The following NDC80 variants were observed in gnomAD, a reference collection of about 807,000 sequenced individuals.
NDC80 encodes kinetochore protein NDC80 homolog.
NDC80 carries 69 observed loss-of-function variants against 89.3 expected under a neutral mutation model. The observed-to-expected ratio is 0.77, with a 90% CI of 0.64 to 0.94. The LOEUF is 0.94. NDC80 is among the 40% of genes least tolerant of loss of function. The pLI is 0.00. For synonymous variants in NDC80, 243 were observed against 255.6 expected (o/e 0.95, Z 0.47); for missense variants, 593 against 739.6 (o/e 0.80, Z 2.30).
chr18:2,600,458 A>G (rs978072383), intron 12 of NDC80, among the ~76,000 whole-genome samples: 1 of 151,972 alleles, frequency 6.6e-6, no homozygotes, highest in Non-Finnish European at 1.5e-5. Context: ...AAAATACAAA[A>G]ACTAGCCGGG....
intron 16 of NDC80, among the ~76,000 whole-genome samples, chr18:2,616,127 G>A (rs1270566097): frequency 1.3e-5 from 2 of 152,028 alleles, no homozygotes; most frequent in Non-Finnish European, 2.9e-5. Context: ...CCAGCCTCAG[G>A]TGATCTCCTG....
At chr18:2,606,339 T>C in intron 13 of NDC80, 76 bp from the exon 14 acceptor site, 2 of 923,462 alleles carry the variant, frequency 2.2e-6, no homozygotes, top group Non-Finnish European at 3.2e-6. Context: ...TGATTGATAA[T>C]ATAAAAACTC....
chr18:2,588,667 G>C (rs1156568333), intron 8 of NDC80, among the ~76,000 whole-genome samples: 2 of 152,134 alleles, frequency 1.3e-5, no homozygotes, highest in Non-Finnish European at 2.9e-5. Flanking sequence ...GTATCTTCCT[G>C]AAGAGTAACC....
At chr18:2,615,762 C>T (rs7350997) in intron 16 of NDC80, among the ~76,000 whole-genome samples, 59,381 of 152,054 alleles carry the variant, frequency 0.39, 12,852 homozygotes, top group East Asian at 0.68. Context: ...TAAACTGCAG[C>T]CATATGTAGT....
chr18:2,575,846 AC>A (rs2072543824), intron 3 of NDC80, among the ~76,000 whole-genome samples: 1 of 152,180 alleles, frequency 6.6e-6, no homozygotes, highest in Non-Finnish European at 1.5e-5. Flanking sequence ...GATCAGTTGA[AC>A]CCAGGAGGTG....
Position 2,588,619 on chromosome 18 carries a change from C to G in NDC80, c.764-585C>G, listed in dbSNP as rs546498029. ...ATCAATCACTTTGCCAGTATTATCA[C>G]AAAAGCTGAAAGCATTCCCTTATAG... On this transcript the variant is annotated intron_variant, in intron 8 of 16. Transcript: ENST00000261597. Among the ~76,000 whole-genome samples the G allele has an allele frequency of 3.9e-5, 6 of 152,296 alleles. No homozygotes were observed. In the South Asian group the frequency reaches 1.0e-3, roughly 26 times the overall value.
intron 14 of NDC80, among the ~76,000 whole-genome samples, chr18:2,607,964 AGTAT>A (rs2072721764): frequency 5.1e-5 from 2 of 39,570 alleles, no homozygotes; most frequent in African/African-American, 2.4e-4. Flanking sequence ...ATATATACAT[AGTAT>A]ATATATATAT....
intron 10 of NDC80, among the ~76,000 whole-genome samples, chr18:2,591,509 T>C (rs1030169614): frequency 1.3e-5 from 2 of 152,150 alleles, no homozygotes; most frequent in Non-Finnish European, 2.9e-5. Flanking sequence ...TAACTCTTAG[T>C]CTATGGAGTA....
At chr18:2,601,219 A>G (rs2072682318) in intron 12 of NDC80, among the ~76,000 whole-genome samples, 177 bp from the exon 13 acceptor site, 1 of 152,214 alleles carries the variant, frequency 6.6e-6, no homozygotes, top group South Asian at 2.1e-4. Context: ...GTCTACACTT[A>G]CAGAAATTTG....
At chr18:2,573,143 T>C in intron 2 of NDC80, 57 bp downstream of exon 2, 3 of 1,352,136 alleles carry the variant, frequency 2.2e-6, no homozygotes, top group Non-Finnish European at 3.1e-6. Flanking sequence ...GGCAAAGAAA[T>C]CATAAGAAAT....
At chr18:2,608,481 C>T (rs931809665) in intron 14 of NDC80, among the ~76,000 whole-genome samples, 1 of 152,146 alleles carries the variant, frequency 6.6e-6, no homozygotes, top group Non-Finnish European at 1.5e-5. Flanking sequence ...GCTGGGATGA[C>T]GGGCATGAGC....
intron 11 of NDC80, among the ~76,000 whole-genome samples, chr18:2,597,973 T>C (rs920063930): frequency 6.6e-6 from 1 of 152,218 alleles, no homozygotes; most frequent in African/African-American, 2.4e-5. Context: ...GGCTGTTATA[T>C]ATATGGGTCT....
chr18:2,593,559 G>C (rs2143649789), intron 10 of NDC80: 1 of 156,004 alleles, frequency 6.4e-6, no homozygotes, highest in Non-Finnish European at 1.4e-5. Context: ...AAGAAAAAAT[G>C]GTTTTGACAA....
intron 6 of NDC80, among the ~76,000 whole-genome samples, chr18:2,580,731 ATTTTTTTTTTTTTTTTT>A (rs71365186): frequency 5.4e-5 from 3 of 55,418 alleles, no homozygotes; most frequent in Non-Finnish European, 1.1e-4. Context: ...TCACCATCAG[ATTTTTTTTTTTTTTTTT>A]TTTTTTTTTT....
chr18:2,603,378 T>C lies in NDC80; in HGVS notation c.1464+1893T>C, dbSNP rs867541158. Among the ~76,000 whole-genome samples the C allele has an allele frequency of 2.5e-3, 362 of 143,508 alleles. 3 individuals are homozygous for C. Among genetic ancestry groups the C allele is most frequent in the Middle Eastern group, 0.011 (3 of 266 alleles). 94.1% of individuals were successfully genotyped at this position (143,508 alleles called of 152,430 possible). On this transcript the variant is annotated intron_variant, in intron 13 of 16. Transcript: ENST00000261597. Reference sequence around the variant, plus strand: ...ATACATATATATATATATATATATATACACCTATGTAATATATATAAGCCA... The same window carrying C: ...ATACATATATATATATATATATATACACACCTATGTAATATATATAAGCCA...
chr18:2,603,821 CAA>C (rs1027257976), intron 13 of NDC80, among the ~76,000 whole-genome samples: 4 of 152,104 alleles, frequency 2.6e-5, no homozygotes, highest in African/African-American at 4.8e-5. Flanking sequence ...ATTTGCTCTT[CAA>C]AAGACTCCAA....
rs746788094 is a variant in NDC80, at chr18:2,577,818, A to G, written c.252A>G (p.Arg84=). ...FSSSEKIKDP[R]PLNDKAFIQQ... Reference sequence around the variant, plus strand: ...GTTCTGAGAAAATCAAGGACCCGAGACCACTTAATGACAAAGCATTCATTC... The same window carrying G: ...GTTCTGAGAAAATCAAGGACCCGAGGCCACTTAATGACAAAGCATTCATTC... The change falls in exon 4 of 17, where the codon AGA becomes AGG. Residue 84 remains arginine, a synonymous_variant. Transcript: ENST00000261597. 34 of 1,614,174 alleles carry G rather than the reference A, an allele frequency of 2.1e-5. No individual in the cohort carries two copies. The highest frequency in any genetic ancestry group is 2.8e-5 in the Non-Finnish European group (33 of 1,180,014).
At chr18:2,590,782 G>A (rs2072623778) in intron 10 of NDC80, among the ~76,000 whole-genome samples, 1 of 152,124 alleles carries the variant, frequency 6.6e-6, no homozygotes. Flanking sequence ...CAAGCATTTG[G>A]CTTTTTGAAG....
chr18:2,578,142 GT>G lies in NDC80; in HGVS notation c.476+2del, dbSNP rs1189582179. On this transcript the variant is annotated splice_donor_variant, in intron 5 of 16. Coordinates refer to ENST00000261597, the MANE Select transcript of NDC80 (RefSeq NM_006101.3). LOFTEE classifies it high-confidence loss of function. ...TTCCAAGAATCTTTAAAGACCTTGG[GT>G]ATGTATATTTCTTATTAGTTTAGAG... 4 of 1,612,196 alleles carry G rather than the reference GT, an allele frequency of 2.5e-6. No individual in the cohort carries two copies. The African/African-American group carries it at 5.4e-5, about 22-fold the overall frequency.
Sources: allele counts gnomAD v4.1 joint callset (sites outside exome capture counted in the v4.1 genomes callset), GRCh38; gene constraint gnomAD v4.1.1; transcripts MANE v1.5; gene names NCBI Gene and HGNC (gene_info 2026-07-23, HGNC 2026-07-21).